Variants in DYNC2H1 observed in about 807,000 individuals in gnomAD.
DYNC2H1 encodes the protein cytoplasmic dynein 2 heavy chain 1.
Under a neutral mutation model 570.0 loss-of-function variants are expected in DYNC2H1, and 410 were observed. The observed-to-expected ratio is 0.72, with a 90% confidence interval of 0.66 to 0.78. The LOEUF (loss-of-function observed/expected upper bound fraction) is 0.78. DYNC2H1 is among the 30% of genes least tolerant of loss of function. The probability of loss-of-function intolerance (pLI) is 0.00; values close to 1 mark genes in which losing one functional copy is unlikely to be tolerated. For missense variants in DYNC2H1, 4,865 were observed against 5,046.4 expected (o/e 0.96, Z 1.09); for synonymous variants, 1,688 against 1,677.6 (o/e 1.01, Z -0.15).
chr11:103,217,003 T>C (rs1289529304), intron 55 of DYNC2H1, among the ~76,000 whole-genome samples: 1 of 152,196 alleles, frequency 6.6e-6, no homozygotes, highest in Non-Finnish European at 1.5e-5. Flanking sequence ...CTTAATGTAA[T>C]GAGTCATTAA....
chr11:103,152,676 A>G (rs965633014), intron 21 of DYNC2H1, among the ~76,000 whole-genome samples: 2 of 152,204 alleles, frequency 1.3e-5, no homozygotes, highest in Admixed American at 6.6e-5. Context: ...ACATTAGACT[A>G]TAAGCTGCTA....
chr11:103,190,769 C>T (rs775845792), intron 45 of DYNC2H1, among the ~76,000 whole-genome samples: 23 of 151,942 alleles, frequency 1.5e-4, no homozygotes, highest in Non-Finnish European at 2.2e-4. Flanking sequence ...GGCATTTTAC[C>T]GGTTGGTTGT....
chr11:103,141,154 T>C (rs2134816125), intron 17 of DYNC2H1, among the ~76,000 whole-genome samples: 1 of 152,332 alleles, frequency 6.6e-6, no homozygotes, highest in African/African-American at 2.4e-5. Context: ...GGTTTGAATA[T>C]CCTCCTGTAG....
rs746362470 is a variant in DYNC2H1 at position 103,303,180 on chromosome 11, C to A, written c.11183C>A (p.Ser3728Tyr). Residue 3728 changes from serine to tyrosine, a missense_variant, in exon 76 of 89, where the codon TCT (serine) becomes TAT (tyrosine). Physicochemically the swap from Ser to Tyr is moderately radical, Grantham distance 144. This residue lies in a region of DYNC2H1 where 2,401 missense variants were observed against 2,454.6 expected (regional missense o/e 0.98). Coordinates refer to ENST00000375735, the MANE Select transcript of DYNC2H1 (RefSeq NM_001377.3). Reference sequence around the variant, plus strand: ...ATTGAACCCATCTTGATAATTATTTCTCCGGGTGCTGATCCTTCTCAGGAA... The same window carrying A: ...ATTGAACCCATCTTGATAATTATTTATCCGGGTGCTGATCCTTCTCAGGAA... ...LEIEPILIII[S>Y]PGADPSQELQ... 6.2e-7 allele frequency: 1 copy of A among 1,612,700 alleles called. No homozygotes were observed. Among genetic ancestry groups the A allele is most frequent in the Non-Finnish European group, 8.5e-7 (1 of 1,179,080 alleles).
At chr11:103,469,351 A>G (rs1240574199) in intron 88 of DYNC2H1, among the ~76,000 whole-genome samples, 1 of 152,218 alleles carries the variant, frequency 6.6e-6, no homozygotes, top group Admixed American at 6.5e-5. Flanking sequence ...AGTTGTAAAG[A>G]AGCACATAAC....
intron 59 of DYNC2H1, among the ~76,000 whole-genome samples, chr11:103,223,581 A>T (rs61896688): frequency 0.81 from 114,687 of 142,184 alleles, 44,033 homozygotes; most frequent in Admixed American, 0.86. Context: ...AGAGACTAAA[A>T]TAACATGTTG....
intron 29 of DYNC2H1, among the ~76,000 whole-genome samples, chr11:103,162,698 G>A (rs1861147033): frequency 6.6e-6 from 1 of 152,034 alleles, no homozygotes; most frequent in African/African-American, 2.4e-5. Context: ...TGAAGTGAAT[G>A]GGTCGACTTT....
chr11:103,263,898 A>T (rs1051781411), intron 70 of DYNC2H1, among the ~76,000 whole-genome samples: 1 of 152,084 alleles, frequency 6.6e-6, no homozygotes, highest in Non-Finnish European at 1.5e-5. Flanking sequence ...AAAAACTCTT[A>T]AAAAAATCAA....
rs375147599 is a variant in DYNC2H1 at position 103,117,815 on chromosome 11, A to G, written c.951A>G (p.Glu317=). 6.2e-7 allele frequency: 1 copy of G among 1,613,212 alleles called. No homozygotes were observed. Among genetic ancestry groups the G allele is most frequent in the Non-Finnish European group, 8.5e-7 (1 of 1,179,390 alleles). ...ATGTTCCTCATCCATGGAAAAATGA[A>G]AAATATTTTCCAGAAACACTTGACA... The part of the protein sequence containing the change: ...QRYVPHPWKN[E]KYFPETLDKL... The change falls in exon 6 of 89, where the codon GAA becomes GAG. Residue 317 remains glutamate, a synonymous_variant. Coordinates refer to ENST00000375735, the MANE Select transcript of DYNC2H1 (RefSeq NM_001377.3).
intron 83 of DYNC2H1, among the ~76,000 whole-genome samples, chr11:103,373,798 A>G (rs996864278): frequency 1.3e-5 from 2 of 152,144 alleles, no homozygotes; most frequent in African/African-American, 2.4e-5. Context: ...ATCCCCTACT[A>G]TTACTATATT....
Position 103,281,941 on chromosome 11 carries a change from T to C in DYNC2H1, c.10762-238T>C, listed in dbSNP as rs182744602. Among the ~76,000 whole-genome samples, 156 of 152,162 alleles carry C rather than the reference T, an allele frequency of 1.0e-3. 2 individuals carry two copies. Among genetic ancestry groups the C allele is most frequent in the African/African-American group, 2.8e-3 (115 of 41,556 alleles). On this transcript the variant is annotated intron_variant, in intron 71 of 88. Coordinates refer to ENST00000375735, the MANE Select transcript of DYNC2H1 (RefSeq NM_001377.3). ...AAATTTTTAGACATTGAGACTCATA[T>C]ATATAATGGAGTTGTTTTGTTTTAA...
Position 103,241,020 on chromosome 11 carries a change from T to C in DYNC2H1, c.9820-2673T>C, listed in dbSNP as rs1220512681. ...ATTCCCCTCTATATCATGCTGTTGT[T>C]TTTGCCTGAAATGTTTTTCTTTCTT... On this transcript the variant is annotated intron_variant, in intron 63 of 88. Coordinates refer to ENST00000375735, the MANE Select transcript of DYNC2H1 (RefSeq NM_001377.3). This position sits in a 1 kb window ranked among gnomAD's most constrained non-coding sequence, Gnocchi z 5.1. Among the ~76,000 whole-genome samples, 1 of 152,164 alleles carries C rather than the reference T, an allele frequency of 6.6e-6. No individual in the cohort carries two copies. The highest frequency in any genetic ancestry group is 2.4e-5 in the African/African-American group (1 of 41,452).
At chr11:103,429,415 CTTAG>C (rs2135737299) in intron 84 of DYNC2H1, among the ~76,000 whole-genome samples, 1 of 151,880 alleles carries the variant, frequency 6.6e-6, no homozygotes, top group South Asian at 2.1e-4. Context: ...TCTGAAAGTC[CTTAG>C]TTTGCTCATG....
intron 82 of DYNC2H1, among the ~76,000 whole-genome samples, chr11:103,344,911 A>C (rs1398867384): frequency 6.6e-6 from 1 of 152,158 alleles, no homozygotes; most frequent in East Asian, 1.9e-4. Context: ...GCATCGACTT[A>C]TGTGATTTTC....
intron 47 of DYNC2H1, among the ~76,000 whole-genome samples, chr11:103,197,284 G>A (rs1300820027): frequency 6.6e-6 from 1 of 151,976 alleles, no homozygotes; most frequent in Non-Finnish European, 1.5e-5. Flanking sequence ...GGAGGAAAAT[G>A]GGACAAACTG....
In DYNC2H1 at chr11:103,125,117, G is replaced by A. The variant is rs561232842; in HGVS notation, c.1679G>A (p.Arg560Gln). 148 of 1,612,532 alleles carry A rather than the reference G, an allele frequency of 9.2e-5. 2 individuals are homozygous for A. In the South Asian group the frequency reaches 1.3e-3, roughly 14 times the overall value. The change falls in exon 12 of 89, where the codon CGA (arginine) becomes CAA (glutamine). Residue 560 changes from arginine (R) to glutamine (Q), a missense_variant. Physicochemically the swap from Arg to Gln is conservative, Grantham distance 43. This residue lies in a region of DYNC2H1 where 1,936 missense variants were observed against 1,962.1 expected (regional missense o/e 0.99). Coordinates refer to ENST00000375735, the MANE Select transcript of DYNC2H1 (RefSeq NM_001377.3). ...TTTTATAGTATTGAGGCTAGTAGTC[G>A]AATTATGGAATTGGATTCTAATGAT... ...RSGLCIEASS[R>Q]IMELDSNDGL... is the part of the protein sequence containing the mutation.
At position 103,156,888 on chromosome 11, in the gene DYNC2H1, A is replaced by C. The variant is rs890342496; in HGVS notation, c.4127+118A>C. 1.7e-5 allele frequency: 22 copies of C among 1,287,310 alleles called. No individual in the cohort carries two copies. The East Asian group carries it at 3.3e-4, about 19-fold the overall frequency. 79.7% of individuals were successfully genotyped at this position (1,287,310 alleles called of 1,614,324 possible). On this transcript the variant is annotated intron_variant, in intron 26 of 88. Coordinates refer to ENST00000375735, the MANE Select transcript of DYNC2H1 (RefSeq NM_001377.3). The stretch of plus-strand genomic sequence containing the variant: ...CATGATTGGTATCCTCTGTGTATTC[A>C]AATTCTTTCCTAGTGGATCCTTTTG...
In DYNC2H1 at chr11:103,289,826, G is replaced by C. The variant is rs983642861; in HGVS notation, c.11095+2221G>C. On this transcript the variant is annotated intron_variant, in intron 75 of 88. Transcript: ENST00000375735. The surrounding 1 kb of genome is among the most constrained non-coding windows in gnomAD (Gnocchi z 4.2). The stretch of plus-strand genomic sequence containing the variant: ...CCATATATAATGTTGAATTAAATTT[G>C]ACATCCTATATTTAGTTACGATATT... 1.3e-5 allele frequency among the ~76,000 whole-genome samples: 2 copies of C among 152,114 alleles called. No homozygotes were observed. Among genetic ancestry groups the C allele is most frequent in the Non-Finnish European group, 2.9e-5 (2 of 68,014 alleles).
At chr11:103,200,217 A>G in intron 50 of DYNC2H1, 63 bp downstream of exon 50, 1 of 1,248,952 alleles carries the variant, frequency 8.0e-7, no homozygotes. Flanking sequence ...TCCAAGTAAA[A>G]TTATCTTGTG....
Sources: allele counts gnomAD v4.1 joint callset (sites outside exome capture counted in the v4.1 genomes callset), GRCh38; gene constraint gnomAD v4.1.1; regional missense constraint gnomAD v4.1.1; non-coding constraint Gnocchi (gnomAD v3.1); transcripts MANE v1.5; gene names NCBI Gene and HGNC (gene_info 2026-07-23, HGNC 2026-07-21).